Variants in PSMC2 observed in about 807,000 individuals in gnomAD.
PSMC2 encodes 26S proteasome regulatory subunit 7.
In PSMC2, 7 loss-of-function variants were observed where a neutral mutation model predicts 53.3. That is an observed-to-expected ratio of 0.13 (90% CI 0.07 to 0.25). PSMC2 has a LOEUF of 0.25. PSMC2 is among the 10% of genes least tolerant of loss of function. The pLI is 1.00. For missense variants in PSMC2, 241 were observed against 544.0 expected (o/e 0.44, Z 5.54); for synonymous variants, 169 against 183.9 (o/e 0.92, Z 0.66).
intron 1 of PSMC2, among the ~76,000 whole-genome samples, chr7:103,351,504 T>A (rs778368808): frequency 4.6e-5 from 7 of 152,222 alleles, no homozygotes; most frequent in Non-Finnish European, 8.8e-5. Context: ...CATCTCTGCC[T>A]AGAACATACC....
chr7:103,349,931 C>G (rs948154767), intron 1 of PSMC2, among the ~76,000 whole-genome samples: 32 of 152,176 alleles, frequency 2.1e-4, no homozygotes, highest in African/African-American at 7.0e-4. Flanking sequence ...TCTCCTGAGA[C>G]GATTGAGAAT....
chr7:103,364,981 A>ATATATATATT (rs950613120), intron 8 of PSMC2, among the ~76,000 whole-genome samples: 1,991 of 140,602 alleles, frequency 0.014, 47 homozygotes, highest in African/African-American at 0.05. Context: ...ATATATATAT[A>ATATATATATT]TATTTAGAGA....
At chr7:103,364,956 TAC>T (rs1820616947) in intron 8 of PSMC2, among the ~76,000 whole-genome samples, 2 of 68,052 alleles carry the variant, frequency 2.9e-5, no homozygotes, top group African/African-American at 5.7e-5. Context: ...TTTGTAGACA[TAC>T]ATATATATAT....
chr7:103,359,008 A>C (rs1159622123), intron 4 of PSMC2, among the ~76,000 whole-genome samples: 1 of 151,156 alleles, frequency 6.6e-6, no homozygotes, highest in Non-Finnish European at 1.5e-5. Context: ...TTTTGAGACA[A>C]GGTCTCACTT....
chr7:103,358,177 G>A (rs925247178), intron 4 of PSMC2, among the ~76,000 whole-genome samples: 2 of 152,266 alleles, frequency 1.3e-5, no homozygotes, highest in Admixed American at 6.5e-5. Context: ...TTTTGAAGGC[G>A]TCGTTCTGTT....
rs200364372 is a variant in PSMC2 at position 103,347,792 on chromosome 7, A to C, written c.70+11A>C. ...ACAAGCCCATCCGAGGTCAGTTGACATGGGCCGGAGCTCGGAGCTGGGGCG... is the reference window on the plus strand; with the variant it reads ...ACAAGCCCATCCGAGGTCAGTTGACCTGGGCCGGAGCTCGGAGCTGGGGCG... On this transcript the variant is annotated intron_variant, in intron 1 of 11. Coordinates refer to ENST00000292644, the MANE Select transcript of PSMC2 (RefSeq NM_002803.4). 1 of 1,613,630 alleles carries C rather than the reference A, an allele frequency of 6.2e-7. No individual in the cohort carries two copies. Among genetic ancestry groups the C allele is most frequent in the Non-Finnish European group, 8.5e-7 (1 of 1,179,762 alleles).
intron 7 of PSMC2, 149 bp downstream of exon 7, chr7:103,363,588 TG>T (rs1401398073): frequency 1.4e-6 from 1 of 697,018 alleles, no homozygotes; most frequent in Non-Finnish European, 2.4e-6. Context: ...TGTGGAGAGT[TG>T]GTAAGTTCTA....
intron 7 of PSMC2, 120 bp downstream of exon 7, chr7:103,363,559 A>G (rs956126775): frequency 1.3e-5 from 11 of 841,680 alleles, no homozygotes; most frequent in African/African-American, 6.8e-5. Flanking sequence ...GAGTTTTTTG[A>G]GAGGGTGGAG....
At chr7:103,361,893 G>A in intron 4 of PSMC2, 64 bp from the exon 5 acceptor site, 1 of 1,479,638 alleles carries the variant, frequency 6.8e-7, no homozygotes, top group Non-Finnish European at 9.2e-7. Flanking sequence ...ATATAATCTA[G>A]TTAGTTGAAT....
intron 6 of PSMC2, among the ~76,000 whole-genome samples, 160 bp downstream of exon 6, chr7:103,362,918 C>T (rs576936484): frequency 7.9e-5 from 12 of 151,802 alleles, no homozygotes; most frequent in South Asian, 2.1e-4. Flanking sequence ...CTCAGCCTCC[C>T]GAGTAGCTGG....
chr7:103,347,584 A>G (rs915133995), upstream of PSMC2: 9 of 1,038,404 alleles, frequency 8.7e-6, no homozygotes, highest in Admixed American at 5.4e-5. Flanking sequence ...CGGACTCTGA[A>G]GCACTGCATA....
intron 4 of PSMC2, among the ~76,000 whole-genome samples, chr7:103,359,954 G>A (rs371451251): frequency 9.3e-4 from 141 of 152,012 alleles, no homozygotes; most frequent in African/African-American, 3.1e-3. Context: ...GGTGGCAGGC[G>A]CCTGTAATCC....
At chr7:103,358,757 T>TG (rs1369164575) in intron 4 of PSMC2, among the ~76,000 whole-genome samples, 2 of 152,154 alleles carry the variant, frequency 1.3e-5, no homozygotes, top group African/African-American at 4.8e-5. Flanking sequence ...TACATTTTTC[T>TG]AGGCCGTATG....
At chr7:103,355,907 G>A in intron 4 of PSMC2, 114 bp downstream of exon 4, 1 of 713,218 alleles carries the variant, frequency 1.4e-6, no homozygotes. Flanking sequence ...CAAATTCCAA[G>A]TAAATAAAGC....
chr7:103,366,877 T>TCAC (rs1475056540), intron 9 of PSMC2, among the ~76,000 whole-genome samples: 2 of 152,180 alleles, frequency 1.3e-5, no homozygotes, highest in Non-Finnish European at 2.9e-5. Flanking sequence ...TGATCTTGGC[T>TCAC]CACTGCAACC....
intron 4 of PSMC2, among the ~76,000 whole-genome samples, chr7:103,358,780 T>C (rs1363582429): frequency 1.3e-5 from 2 of 152,184 alleles, no homozygotes; most frequent in African/African-American, 2.4e-5. Context: ...GGGAATTTTC[T>C]TTTTTCTGTA....
At chr7:103,362,786 G>T in intron 6 of PSMC2, 28 bp downstream of exon 6, 4 of 1,370,498 alleles carry the variant, frequency 2.9e-6, no homozygotes, top group Non-Finnish European at 4.1e-6. Flanking sequence ...GGAAAAGGAA[G>T]GCTATGTCTT....
At position 103,362,670 on chromosome 7, in the gene PSMC2, T is replaced by A; in HGVS notation, c.423-16T>A. On this transcript the variant is annotated splice_polypyrimidine_tract_variant and intron_variant, in intron 5 of 11. Coordinates refer to ENST00000292644, the MANE Select transcript of PSMC2 (RefSeq NM_002803.4). ...CTTAAAGAATGTATTAATGACTATC[T>A]TTTTTACTTCCTTAGCGTGGATAGA... 1 of 1,587,896 alleles carries A rather than the reference T, an allele frequency of 6.3e-7. No individual in the cohort carries two copies. The highest frequency in any genetic ancestry group is 8.6e-7 in the Non-Finnish European group (1 of 1,156,710).
At chr7:103,349,009 T>C (rs1819669054) in intron 1 of PSMC2, among the ~76,000 whole-genome samples, 1 of 152,240 alleles carries the variant, frequency 6.6e-6, no homozygotes, top group East Asian at 1.9e-4. Flanking sequence ...GCATGAGATA[T>C]GCACACCAGT....
Sources: allele counts gnomAD v4.1 joint callset (sites outside exome capture counted in the v4.1 genomes callset), GRCh38; gene constraint gnomAD v4.1.1; transcripts MANE v1.5; gene names NCBI Gene and HGNC (gene_info 2026-07-23, HGNC 2026-07-21).